Variants in KIFC1 observed in about 807,000 individuals in gnomAD.
KIFC1 encodes kinesin-like protein KIFC1.
KIFC1 carries 37 observed loss-of-function variants against 66.6 expected under a neutral mutation model. The ratio of observed to expected loss-of-function variants is 0.56; its 90% CI spans 0.43 to 0.73. The LOEUF (loss-of-function observed/expected upper bound fraction) is 0.73. Ranked by LOEUF, KIFC1 falls within the 30% of genes least tolerant of loss-of-function variation. KIFC1 has a pLI of 0.00. For synonymous variants in KIFC1, 325 were observed against 343.5 expected (o/e 0.95, Z 0.60); for missense variants, 721 against 859.8 (o/e 0.84, Z 2.02).
intron 3 of KIFC1, among the ~76,000 whole-genome samples, chr6:33,399,333 G>A (rs1375975070): frequency 6.6e-6 from 1 of 151,944 alleles, no homozygotes; most frequent in Non-Finnish European, 1.5e-5. Context: ...AGGTTGCAGT[G>A]AGCCGAGATT....
At position 33,406,955 on chromosome 6, in the gene KIFC1, G is replaced by A. The variant is rs927424402; in HGVS notation, c.1977+80G>A. The A allele has an allele frequency of 3.8e-6, 6 of 1,590,502 alleles. No individual in the cohort carries two copies. The African/African-American group carries it at 8.1e-5, about 21-fold the overall frequency. ...CCATTCCAATCCCTTTTGTCTTCTA[G>A]GGCAGGGAGCACATTTGTGCAGAAA... On this transcript the variant is annotated intron_variant, in intron 10 of 10. Transcript: ENST00000428849. The surrounding 1 kb of genome is among the most constrained non-coding windows in gnomAD (Gnocchi z 4.5).
Position 33,400,201 on chromosome 6 carries a change from C to T in KIFC1, c.250+1814C>T, listed in dbSNP as rs891925681. ...TCCAGAGAGTTCTCTGGCTAAGGAT[C>T]GGTGCCGCATCTGTCGAGCAATGTT... is the stretch of plus-strand genomic sequence containing the variant. On this transcript the variant is annotated intron_variant, in intron 3 of 10. Coordinates refer to ENST00000428849, the MANE Select transcript of KIFC1 (RefSeq NM_002263.4). The surrounding 1 kb of genome is among the most constrained non-coding windows in gnomAD (Gnocchi z 4.3). 3.0e-5 allele frequency: 46 copies of T among 1,550,262 alleles called. No homozygotes were observed. The highest frequency in any genetic ancestry group is 6.7e-5 in the East Asian group (3 of 44,502).
upstream of KIFC1, chr6:33,391,735 G>A (rs1774791339): frequency 8.3e-6 from 5 of 606,000 alleles, no homozygotes; most frequent in Admixed American, 1.4e-4. Flanking sequence ...TTCGGGTGGC[G>A]GAGAACGCTG....
intron 1 of KIFC1, among the ~76,000 whole-genome samples, chr6:33,394,305 A>G (rs1398321454): frequency 6.6e-6 from 1 of 152,228 alleles, no homozygotes; most frequent in Non-Finnish European, 1.5e-5. Context: ...TTTTGAAGGT[A>G]CAATCAGCCA....
At position 33,409,711 on chromosome 6, in the gene KIFC1, G is replaced by C. The variant is rs763500559; in HGVS notation, c.*21G>C. On this transcript the variant is annotated 3_prime_UTR_variant, in exon 11 of 11. Transcript: ENST00000428849. ...AGTGAAGACGGATCCAGATCTGTGT[G>C]TGTGTGTGTGTGTGTGTGTGTGTGT... is the stretch of plus-strand genomic sequence containing the variant. 0.023 allele frequency: 10,881 copies of C among 476,642 alleles called. 609 individuals are homozygous for C. The highest frequency in any genetic ancestry group is 0.025 in the Non-Finnish European group (7,619 of 302,296). 29.5% of individuals were successfully genotyped at this position (476,642 alleles called of 1,614,324 possible).
chr6:33,392,073 C>T (rs929900044), intron 1 of KIFC1, 76 bp downstream of exon 1: 6 of 1,528,312 alleles, frequency 3.9e-6, no homozygotes, highest in Non-Finnish European at 1.8e-6. Context: ...GTCGCGCCCC[C>T]GGCTCCCGGT....
In KIFC1 at chr6:33,406,095, A is replaced by G; in HGVS notation, c.1537-101A>G. 2.7e-6 allele frequency: 3 copies of G among 1,107,790 alleles called. No homozygotes were observed. Among genetic ancestry groups the G allele is most frequent in the Non-Finnish European group, 3.9e-6 (3 of 768,714 alleles). 68.6% of individuals were successfully genotyped at this position (1,107,790 alleles called of 1,614,324 possible). On this transcript the variant is annotated intron_variant, in intron 7 of 10. Coordinates refer to ENST00000428849, the MANE Select transcript of KIFC1 (RefSeq NM_002263.4). This position sits in a 1 kb window ranked among gnomAD's most constrained non-coding sequence, Gnocchi z 4.5. ...CTTATTTTGTTTCTTGACAGGCTAG[A>G]AAGCTTCAAGAGGGTGGGGGTGGGC...
Position 33,398,130 on chromosome 6 carries a change from G to A in KIFC1, c.114G>A (p.Arg38=), listed in dbSNP as rs145995335. ...LPLSGSRLKR[R]PDQMEDGLEP... is the part of the protein sequence containing the mutation. ...TCTCAGGAAGCAGACTCAAGAGGAG[G>A]CCTGACCAGATGGAAGATGGCCTGG... is the stretch of plus-strand genomic sequence containing the variant. The change falls in exon 2 of 11, where the codon AGG becomes AGA. Residue 38 remains arginine (R), a synonymous_variant. Transcript: ENST00000428849. 1.9e-5 allele frequency: 30 copies of A among 1,614,188 alleles called. 1 individual carries two copies. The Middle Eastern group carries it at 6.6e-4, about 36-fold the overall frequency.
In KIFC1 at chr6:33,403,876, A is replaced by G; in HGVS notation, c.503A>G (p.Gln168Arg). ...QTLDQENQQL[Q>R]DQLRDAQQQV... The stretch of plus-strand genomic sequence containing the variant: ...TTGGACCAAGAGAACCAGCAGCTTC[A>G]GGACCAGCTCAGAGATGCCCAGCAG... Residue 168 changes from glutamine to arginine, a missense_variant, in exon 6 of 11, where the codon CAG (glutamine) becomes CGG (arginine). Coordinates refer to ENST00000428849, the MANE Select transcript of KIFC1 (RefSeq NM_002263.4). This position sits in a 1 kb window ranked among gnomAD's most constrained non-coding sequence, Gnocchi z 4.6. 6.2e-7 allele frequency: 1 copy of G among 1,614,256 alleles called. No individual in the cohort carries two copies. The highest frequency in any genetic ancestry group is 8.5e-7 in the Non-Finnish European group (1 of 1,180,044).
chr6:33,397,464 A>G (rs1049228289), intron 1 of KIFC1, among the ~76,000 whole-genome samples: 1 of 150,900 alleles, frequency 6.6e-6, no homozygotes, highest in African/African-American at 2.4e-5. Context: ...CACCCAGCTA[A>G]TTTTTGTATT....
chr6:33,397,449 C>T (rs1184690158), intron 1 of KIFC1, among the ~76,000 whole-genome samples: 3 of 151,978 alleles, frequency 2.0e-5, no homozygotes. Context: ...AGGCATGTGC[C>T]ACCACACCCA....
In KIFC1 at chr6:33,404,036, C is replaced by G; in HGVS notation, c.663C>G (p.Ser221Arg). The G allele has an allele frequency of 6.2e-7, 1 of 1,614,126 alleles. No individual in the cohort carries two copies. The highest frequency in any genetic ancestry group is 8.5e-7 in the Non-Finnish European group (1 of 1,180,012). ...ACVLELEERL[S>R]TQEGLVQELQ... ...TCCTGGAGCTGGAAGAGCGGCTGAG[C>G]ACGCAGGAGGGCTTGGTGCAAGAGC... Residue 221 changes from serine to arginine, a missense_variant, in exon 6 of 11, where the codon AGC becomes AGG. By Grantham distance (110) the Ser-to-Arg change is moderately radical (BLOSUM62 -1). Transcript: ENST00000428849. This position sits in a 1 kb window ranked among gnomAD's most constrained non-coding sequence, Gnocchi z 4.0.
chr6:33,408,585 G>C (rs1035201580), intron 10 of KIFC1, among the ~76,000 whole-genome samples: 1 of 152,152 alleles, frequency 6.6e-6, no homozygotes, highest in Non-Finnish European at 1.5e-5. Flanking sequence ...TGGTTTCTCT[G>C]AAATTCAATT....
chr6:33,405,273 T>C lies in KIFC1; in HGVS notation c.1178T>C (p.Met393Thr), dbSNP rs775453425. The C allele has an allele frequency of 6.2e-7, 1 of 1,614,090 alleles. No homozygotes were observed. The highest frequency in any genetic ancestry group is 8.5e-7 in the Non-Finnish European group (1 of 1,180,048). The change falls in exon 7 of 11, where the codon ATG becomes ACG. Residue 393 changes from methionine (M) to threonine (T), a missense_variant. By Grantham distance (81) the Met-to-Thr change is moderately conservative. Coordinates refer to ENST00000428849, the MANE Select transcript of KIFC1 (RefSeq NM_002263.4). The surrounding 1 kb of genome is among the most constrained non-coding windows in gnomAD (Gnocchi z 5.4). The stretch of plus-strand genomic sequence containing the variant: ...GATGAAGTGTTTGAAGAGATTGCCA[T>C]GCTTGTCCAGTCAGCCCTGGATGGC... ...GQDEVFEEIA[M>T]LVQSALDGYP...
At chr6:33,392,553 CTGAT>C (rs1359665748) in intron 1 of KIFC1, among the ~76,000 whole-genome samples, 3 of 152,216 alleles carry the variant, frequency 2.0e-5, no homozygotes, top group South Asian at 2.1e-4. Context: ...CCCAATGAAA[CTGAT>C]TGATTTAGTT....
rs1775537330 is a variant in KIFC1 at position 33,404,455 on chromosome 6, C to T, written c.756+326C>T. Among the ~76,000 whole-genome samples, 1 of 152,210 alleles carries T rather than the reference C, an allele frequency of 6.6e-6. No individual in the cohort carries two copies. The highest frequency in any genetic ancestry group is 1.5e-5 in the Non-Finnish European group (1 of 68,042). ...CCTGTGGTACTCTCTTTCCCTCCTCCCATGTCCACTTGACTCCTTCCTGGT... is the reference window on the plus strand; with the variant it reads ...CCTGTGGTACTCTCTTTCCCTCCTCTCATGTCCACTTGACTCCTTCCTGGT... On this transcript the variant is annotated intron_variant, in intron 6 of 10. Coordinates refer to ENST00000428849, the MANE Select transcript of KIFC1 (RefSeq NM_002263.4). The surrounding 1 kb of genome is among the most constrained non-coding windows in gnomAD (Gnocchi z 4.0).
At chr6:33,407,097 A>G in intron 10 of KIFC1, 5 of 1,400,028 alleles carry the variant, frequency 3.6e-6, no homozygotes, top group Non-Finnish European at 4.6e-6. Context: ...GATTAAAAAA[A>G]AAAGAAAAGG....
chr6:33,405,213 C>T lies in KIFC1; in HGVS notation c.1118C>T (p.Ser373Phe), dbSNP rs765880170. 6.2e-7 allele frequency: 1 copy of T among 1,614,150 alleles called. No individual in the cohort carries two copies. The highest frequency in any genetic ancestry group is 1.1e-5 in the South Asian group (1 of 91,082). Reference protein sequence around the residue: ...APAPPTRHDFSFDRVFPPGSG... With the variant: ...APAPPTRHDFFFDRVFPPGSG... The stretch of plus-strand genomic sequence containing the variant: ...GCTCCCCCAACTCGCCATGATTTTT[C>T]CTTTGACCGGGTATTCCCACCAGGA... Residue 373 changes from serine (S) to phenylalanine (F), a missense_variant, in exon 7 of 11, where the codon TCC becomes TTC. Transcript: ENST00000428849. The surrounding 1 kb of genome is among the most constrained non-coding windows in gnomAD (Gnocchi z 5.4).
At position 33,405,657 on chromosome 6, in the gene KIFC1, G is replaced by A; in HGVS notation, c.1536+26G>A. 6.8e-7 allele frequency: 1 copy of A among 1,479,856 alleles called. No homozygotes were observed. The highest frequency in any genetic ancestry group is 8.9e-7 in the Non-Finnish European group (1 of 1,119,308). 91.7% of individuals were successfully genotyped at this position (1,479,856 alleles called of 1,614,324 possible). A position where few individuals can be genotyped will look rare whatever the true frequency, so the allele number is the denominator to read the frequency against. Reference sequence around the variant, plus strand: ...GTGAGGACCCATGGGCACTGGAACTGGGAAATGGGGAGGAGTGGGCAGGGT... The same window carrying A: ...GTGAGGACCCATGGGCACTGGAACTAGGAAATGGGGAGGAGTGGGCAGGGT... On this transcript the variant is annotated intron_variant, in intron 7 of 10. Transcript: ENST00000428849. The surrounding 1 kb of genome is among the most constrained non-coding windows in gnomAD (Gnocchi z 5.4).
Sources: allele counts gnomAD v4.1 joint callset (sites outside exome capture counted in the v4.1 genomes callset), GRCh38; gene constraint gnomAD v4.1.1; non-coding constraint Gnocchi (gnomAD v3.1); transcripts MANE v1.5; gene names NCBI Gene and HGNC (gene_info 2026-07-23, HGNC 2026-07-21).